PPFIA1: variants seen among roughly 807,000 people sequenced by gnomAD.
PPFIA1 encodes liprin-alpha-1.
Under a neutral mutation model 149.9 loss-of-function variants are expected in PPFIA1, and 25 were observed. The ratio of observed to expected loss-of-function variants is 0.17; its 90% CI spans 0.12 to 0.23. PPFIA1 has a LOEUF of 0.23. Among genes scored for constraint, PPFIA1 ranks in the 10% least tolerant of loss-of-function variants. The pLI is 1.00. For missense variants in PPFIA1, 1,362 were observed against 1,506.5 expected, an observed-to-expected ratio of 0.90 and a Z score of 1.59; for synonymous variants, 549 against 552.8, an observed-to-expected ratio of 0.99 and a Z score of 0.10.
At chr11:70,320,998 C>T (rs1485320376) in intron 2 of PPFIA1, among the ~76,000 whole-genome samples, 1 of 152,190 alleles carries the variant, frequency 6.6e-6, no homozygotes. Context: ...CCACAGAACA[C>T]TAGTGCTATG....
At chr11:70,303,870 G>A (rs2136393559) in intron 2 of PPFIA1, among the ~76,000 whole-genome samples, 1 of 152,328 alleles carries the variant, frequency 6.6e-6, no homozygotes, top group South Asian at 2.1e-4. Flanking sequence ...GCCAGGCGTG[G>A]TGGTGTGTGC....
intron 24 of PPFIA1, chr11:70,375,325 T>C (rs1237889253): frequency 1.4e-5 from 5 of 357,388 alleles, no homozygotes; most frequent in Middle Eastern, 1.5e-3. Flanking sequence ...CCAGCCCATG[T>C]GCCTGATCAG....
chr11:70,343,526 C>T (rs560416966), intron 14 of PPFIA1, 143 bp from the exon 15 acceptor site: 1 of 699,084 alleles, frequency 1.4e-6, no homozygotes, highest in Admixed American at 2.6e-5. Context: ...CTGCCTGCTT[C>T]ATGTCAGTAC....
At chr11:70,339,416 C>A in intron 14 of PPFIA1, 110 bp downstream of exon 14, 2 of 1,253,940 alleles carry the variant, frequency 1.6e-6, no homozygotes, top group South Asian at 1.6e-5. Context: ...CTTTCTTGCC[C>A]TCCTCTCATT....
At chr11:70,371,081 G>A (rs962656633) in intron 21 of PPFIA1, among the ~76,000 whole-genome samples, 4 of 152,260 alleles carry the variant, frequency 2.6e-5, no homozygotes, top group African/African-American at 9.6e-5. Flanking sequence ...GCAGTGATCC[G>A]AGGTCGCGCT....
At chr11:70,284,120 C>CT (rs2050947390) in intron 2 of PPFIA1, 3 of 446,758 alleles carry the variant, frequency 6.7e-6, no homozygotes, top group Non-Finnish European at 1.4e-5. Context: ...CTAAGCTTAA[C>CT]TTTAGTGAAC....
chr11:70,339,246 T>C lies in PPFIA1; in HGVS notation c.1647T>C (p.Ser549=). ...ADGHTDSYST[S]AVLRRPQKGR... ...GCCACACAGACTCCTACAGCACCAG[T>C]GCAGTGCTGCGGCGCCCACAGAAAG... Residue 549 remains serine, a synonymous_variant, in exon 14 of 28, where the codon AGT becomes AGC. Coordinates refer to ENST00000253925, the MANE Select transcript of PPFIA1 (RefSeq NM_003626.5). The C allele has an allele frequency of 1.2e-6, 2 of 1,614,212 alleles. No individual in the cohort carries two copies. Among genetic ancestry groups the C allele is most frequent in the Non-Finnish European group, 1.7e-6 (2 of 1,180,014 alleles).
At chr11:70,315,765 G>A (rs2053583660) in intron 2 of PPFIA1, among the ~76,000 whole-genome samples, 1 of 140,134 alleles carries the variant, frequency 7.1e-6, no homozygotes, top group African/African-American at 2.7e-5. Flanking sequence ...CCCAGTTCAC[G>A]GCATTAAGTA....
At chr11:70,292,603 A>C (rs1214234531) in intron 2 of PPFIA1, among the ~76,000 whole-genome samples, 1 of 152,158 alleles carries the variant, frequency 6.6e-6, no homozygotes, top group Non-Finnish European at 1.5e-5. Flanking sequence ...GGCTGGGTAT[A>C]TGGATGTTTG....
chr11:70,370,057 T>G (rs770976020), intron 21 of PPFIA1, among the ~76,000 whole-genome samples: 43 of 152,078 alleles, frequency 2.8e-4, no homozygotes, highest in Admixed American at 4.6e-4. Context: ...TTCAAGCAAT[T>G]TTCATGCCTC....
rs2057805482 is a variant in PPFIA1, at chr11:70,384,274, T to G, written c.*1284T>G. 2.6e-5 allele frequency: 4 copies of G among 152,658 alleles called. No individual in the cohort carries two copies. The highest frequency in any genetic ancestry group is 2.6e-4 in the Admixed American group (4 of 15,284). The allele number at this position is 152,658 out of a possible 1,614,324, so 9.5% of individuals were successfully genotyped here. The stretch of plus-strand genomic sequence containing the variant: ...CATTGTTACTGTTCTGTTTTTCTAT[T>G]AATCTTTTGTCAACTTCCTGATTAT... On this transcript the variant is annotated 3_prime_UTR_variant, in exon 28 of 28. Transcript: ENST00000253925.
intron 2 of PPFIA1, among the ~76,000 whole-genome samples, chr11:70,302,802 T>TC (rs1174996487): frequency 6.7e-6 from 1 of 148,826 alleles, no homozygotes; most frequent in Admixed American, 6.8e-5. Flanking sequence ...AGACATGTGA[T>TC]CCCAGTATGT....
intron 2 of PPFIA1, among the ~76,000 whole-genome samples, chr11:70,322,852 T>C (rs1465800445): frequency 1.3e-5 from 2 of 152,216 alleles, no homozygotes; most frequent in Non-Finnish European, 2.9e-5. Context: ...GTTCAGCCTC[T>C]GCTGTTACTC....
chr11:70,359,928 G>T (rs970277596), intron 19 of PPFIA1, among the ~76,000 whole-genome samples: 2 of 152,226 alleles, frequency 1.3e-5, no homozygotes, highest in African/African-American at 4.8e-5. Context: ...TCGACACAGG[G>T]GCCTTCTTCC....
At chr11:70,333,223 G>A (rs544767198) in intron 9 of PPFIA1, 68 of 572,896 alleles carry the variant, frequency 1.2e-4, no homozygotes, top group South Asian at 8.6e-4. Context: ...GGGGTTGGGG[G>A]GAAAACACCC....
chr11:70,364,059 A>G (rs1029484397), intron 21 of PPFIA1, among the ~76,000 whole-genome samples: 3 of 152,104 alleles, frequency 2.0e-5, no homozygotes, highest in Non-Finnish European at 2.9e-5. Context: ...TCCCTTCCCC[A>G]TCATTCCAGT....
chr11:70,378,283 A>G (rs1021088158), intron 26 of PPFIA1, 88 bp downstream of exon 26: 33 of 1,483,364 alleles, frequency 2.2e-5, no homozygotes, highest in Non-Finnish European at 2.8e-5. Context: ...AAAACGGCCT[A>G]TTTAATATGT....
At chr11:70,285,540 C>T (rs1276866200) in intron 2 of PPFIA1, among the ~76,000 whole-genome samples, 6 of 151,616 alleles carry the variant, frequency 4.0e-5, no homozygotes, top group Admixed American at 1.3e-4. Flanking sequence ...ATTAGCTGGG[C>T]GTGGTGGTGC....
chr11:70,293,066 G>A (rs1431041826), intron 2 of PPFIA1, among the ~76,000 whole-genome samples: 1 of 152,230 alleles, frequency 6.6e-6, no homozygotes, highest in African/African-American at 2.4e-5. Flanking sequence ...GCTGCCTGGT[G>A]CTATTCTGTC....
Sources: gnomAD v4.1 joint callset for allele counts (sites outside exome capture counted in the v4.1 genomes callset) on GRCh38, gnomAD v4.1.1 for gene constraint, MANE v1.5 for transcripts, NCBI Gene and HGNC (gene_info 2026-07-23, HGNC 2026-07-21) for gene names.